Variants in SCN2A observed in about 807,000 individuals in gnomAD.
The protein encoded by SCN2A is sodium voltage-gated channel alpha subunit 2, also known as sodium channel protein type 2 subunit alpha.
Under a neutral mutation model 188.7 loss-of-function variants are expected in SCN2A, and 20 were observed. That is an observed-to-expected ratio of 0.11 (90% CI 0.07 to 0.15). The LOEUF is 0.15. Ranked by LOEUF, SCN2A falls within the 10% of genes least tolerant of loss-of-function variation. SCN2A has a pLI of 1.00. For missense variants in SCN2A, 1,278 were observed against 2,445.0 expected, an observed-to-expected ratio of 0.52 and a Z score of 10.07; for synonymous variants, 804 against 833.1, an observed-to-expected ratio of 0.97 and a Z score of 0.60.
At chr2:165,242,623 G>A (rs1693671958) in intron 1 of SCN2A, among the ~76,000 whole-genome samples, 1 of 152,136 alleles carries the variant, frequency 6.6e-6, no homozygotes, top group African/African-American at 2.4e-5. Context: ...GCCAGGGAAA[G>A]GTAGGAGAGA....
At chr2:165,292,088 G>C (rs895805371) in intron 1 of SCN2A, among the ~76,000 whole-genome samples, 2 of 152,088 alleles carry the variant, frequency 1.3e-5, no homozygotes, top group African/African-American at 4.8e-5. Flanking sequence ...AGAACAAAAG[G>C]ATACAGCATA....
chr2:165,387,097 A>G (rs1037525329), intron 26 of SCN2A, 81 bp downstream of exon 26: 11 of 1,371,476 alleles, frequency 8.0e-6, no homozygotes, highest in Middle Eastern at 2.0e-4. Flanking sequence ...GTTTTTCACT[A>G]ATCTTTCTCA....
At chr2:165,302,925 A>G (rs779624009) in intron 3 of SCN2A, among the ~76,000 whole-genome samples, 4 of 152,230 alleles carry the variant, frequency 2.6e-5, no homozygotes, top group Non-Finnish European at 4.4e-5. Flanking sequence ...ATCAATCAAC[A>G]GGTTTACCCA....
intron 2 of SCN2A, 177 bp from the exon 3 acceptor site, chr2:165,296,840 G>T: frequency 4.8e-6 from 2 of 417,162 alleles, no homozygotes; most frequent in Non-Finnish European, 4.3e-6. Flanking sequence ...TCAAATTTAG[G>T]AAAGTTTATA....
At chr2:165,288,335 C>CT (rs1389454079) in intron 1 of SCN2A, among the ~76,000 whole-genome samples, 2 of 151,712 alleles carry the variant, frequency 1.3e-5, no homozygotes, top group Admixed American at 1.3e-4. Context: ...GTTTTTTAGA[C>CT]TTTTGTTACC....
chr2:165,388,637 C>T lies in SCN2A; in HGVS notation c.4831C>T (p.Leu1611=). Residue 1611 remains leucine (L), a synonymous_variant, in exon 27 of 27, where the codon CTG becomes TTG. Transcript: ENST00000375437. ...TTGTTGATTTTCTACAGGAATGTTT[C>T]TGGCTGAACTGATAGAAAAGTATTT... ...VVILSIVGMF[L]AELIEKYFVS... The T allele has an allele frequency of 6.2e-7, 1 of 1,613,800 alleles. No homozygotes were observed. The highest frequency in any genetic ancestry group is 1.3e-5 in the African/African-American group (1 of 75,006).
chr2:165,322,593 A>G (rs1299778270), intron 11 of SCN2A, among the ~76,000 whole-genome samples: 1 of 152,216 alleles, frequency 6.6e-6, no homozygotes, highest in Non-Finnish European at 1.5e-5. Flanking sequence ...CATGAAGACC[A>G]TCATAAAATA....
chr2:165,358,982 G>A (rs942162024), intron 17 of SCN2A, among the ~76,000 whole-genome samples: 3 of 152,056 alleles, frequency 2.0e-5, no homozygotes, highest in African/African-American at 7.2e-5. Context: ...TTTAAGAAAT[G>A]TTAATTATTT....
intron 16 of SCN2A, among the ~76,000 whole-genome samples, chr2:165,348,282 C>T (rs1320890317): frequency 6.7e-6 from 1 of 149,456 alleles, no homozygotes; most frequent in Non-Finnish European, 1.5e-5. Flanking sequence ...TTGCTTGAGC[C>T]TGGGAGGCAG....
chr2:165,355,019 G>T (rs115466752), intron 17 of SCN2A, among the ~76,000 whole-genome samples: 1 of 152,036 alleles, frequency 6.6e-6, no homozygotes, highest in Non-Finnish European at 1.5e-5. Context: ...TTTTTTGTAC[G>T]TACTGGAAAA....
chr2:165,389,951 A>G lies in SCN2A; in HGVS notation c.*127A>G, dbSNP rs1235451135. On this transcript the variant is annotated 3_prime_UTR_variant, in exon 27 of 27. Coordinates refer to ENST00000375437, the MANE Select transcript of SCN2A (RefSeq NM_001040142.2). The surrounding 1 kb of genome is among the most constrained non-coding windows in gnomAD (Gnocchi z 4.2). Reference sequence around the variant, plus strand: ...GACTGTTTTTACAAATGTATACTTAAGGTCAGTGCCTATAACAAGACAGAG... The same window carrying G: ...GACTGTTTTTACAAATGTATACTTAGGGTCAGTGCCTATAACAAGACAGAG... The G allele has an allele frequency of 2.1e-6, 3 of 1,454,950 alleles. No homozygotes were observed. Among genetic ancestry groups the G allele is most frequent in the Non-Finnish European group, 2.7e-6 (3 of 1,097,756 alleles). The allele number at this position is 1,454,950 out of a possible 1,614,324, so 90.1% of individuals were successfully genotyped here. A position where few individuals can be genotyped will look rare whatever the true frequency, so the allele number is the denominator to read the frequency against.
chr2:165,285,615 C>T (rs1695792873), intron 1 of SCN2A: 4 of 249,956 alleles, frequency 1.6e-5, no homozygotes, highest in Admixed American at 1.2e-4. Flanking sequence ...AGACTATAAC[C>T]CTGTGGCTGC....
At chr2:165,355,340 C>G (rs1186755409) in intron 17 of SCN2A, among the ~76,000 whole-genome samples, 1 of 152,034 alleles carries the variant, frequency 6.6e-6, no homozygotes, top group Non-Finnish European at 1.5e-5. Context: ...CTGAATTTAC[C>G]AACTCAGTAA....
intron 16 of SCN2A, among the ~76,000 whole-genome samples, chr2:165,352,857 A>G (rs532621124): frequency 2.6e-5 from 4 of 152,276 alleles, no homozygotes; most frequent in African/African-American, 9.6e-5. Context: ...GGCCCCAAGC[A>G]TTTCAAATAA....
chr2:165,336,688 T>C (rs1485485447), intron 14 of SCN2A, among the ~76,000 whole-genome samples: 3 of 152,018 alleles, frequency 2.0e-5, no homozygotes, highest in African/African-American at 7.2e-5. Context: ...TCTGTGAATA[T>C]ATTACAAGCC....
chr2:165,376,997 G>A (rs1389548689), intron 22 of SCN2A, among the ~76,000 whole-genome samples: 1 of 151,942 alleles, frequency 6.6e-6, no homozygotes, highest in African/African-American at 2.4e-5. Context: ...TTATTTTCAA[G>A]ATCATTATGT....
At position 165,389,263 on chromosome 2, in the gene SCN2A, T is replaced by G. The variant is rs1410072257; in HGVS notation, c.5457T>G (p.Ser1819=). 2 of 1,614,096 alleles carry G rather than the reference T, an allele frequency of 1.2e-6. No individual in the cohort carries two copies. The highest frequency in any genetic ancestry group is 1.7e-6 in the Non-Finnish European group (2 of 1,179,988). ...AGTTTATAGAGTTTGCCAAACTTTC[T>G]GATTTTGCAGATGCCCTGGATCCTC... ...ATQFIEFAKL[S]DFADALDPPL... Residue 1819 remains serine (S), a synonymous_variant, in exon 27 of 27, where the codon TCT becomes TCG. Transcript: ENST00000375437. The surrounding 1 kb of genome is among the most constrained non-coding windows in gnomAD (Gnocchi z 4.2).
At chr2:165,380,134 A>G (rs1028811638) in intron 23 of SCN2A, among the ~76,000 whole-genome samples, 5 of 151,812 alleles carry the variant, frequency 3.3e-5, no homozygotes, top group African/African-American at 1.2e-4. Flanking sequence ...ATATGTTAAT[A>G]TAGTTAATCT....
intron 23 of SCN2A, among the ~76,000 whole-genome samples, chr2:165,379,480 T>C (rs1701488157): frequency 6.6e-6 from 1 of 151,776 alleles, no homozygotes; most frequent in Non-Finnish European, 1.5e-5. Flanking sequence ...TGATGGAGTT[T>C]ATGTTTGAGA....
Sources: gnomAD v4.1 joint callset for allele counts (sites outside exome capture counted in the v4.1 genomes callset) on GRCh38, gnomAD v4.1.1 for gene constraint, Gnocchi (gnomAD v3.1) non-coding constraint, MANE v1.5 for transcripts, NCBI Gene and HGNC (gene_info 2026-07-23, HGNC 2026-07-21) for gene names.